IL1RAPL2: variants seen among roughly 807,000 people sequenced by gnomAD.
IL1RAPL2 encodes X-linked interleukin-1 receptor accessory protein-like 2.
IL1RAPL2 carries 3 observed loss-of-function variants against 44.1 expected under a neutral mutation model. The ratio of observed to expected loss-of-function variants is 0.07; its 90% confidence interval spans 0.03 to 0.18. The LOEUF is 0.18. Ranked by LOEUF, IL1RAPL2 falls within the 10% of genes least tolerant of loss-of-function variation. The pLI is 1.00. For synonymous variants in IL1RAPL2, 181 were observed against 178.8 expected (o/e 1.01, Z -0.10); for missense variants, 391 against 496.4 (o/e 0.79, Z 2.02).
chrX:104,590,283 G>A (rs753291390), intron 1 of IL1RAPL2, among the ~76,000 whole-genome samples: 28 of 111,754 alleles, frequency 2.5e-4, no homozygotes, highest in Non-Finnish European at 4.9e-4. Context: ...GACCTCAGGT[G>A]ATCCATGTGT....
At chrX:105,532,067 C>G (rs1361612534) in intron 6 of IL1RAPL2, among the ~76,000 whole-genome samples, 2 of 111,984 alleles carry the variant, frequency 1.8e-5, no homozygotes, top group Non-Finnish European at 3.8e-5. Flanking sequence ...GTTTCAGACT[C>G]ACTGTGTACT....
intron 2 of IL1RAPL2, among the ~76,000 whole-genome samples, chrX:104,784,359 A>AG (rs1932788394): frequency 9.0e-6 from 1 of 111,328 alleles, no homozygotes; most frequent in Admixed American, 9.6e-5. Flanking sequence ...TACAGTTTGC[A>AG]TTCTGAGGTA....
intron 6 of IL1RAPL2, among the ~76,000 whole-genome samples, chrX:105,520,657 C>T (rs1217614816): frequency 9.0e-6 from 1 of 110,976 alleles, no homozygotes; most frequent in Non-Finnish European, 1.9e-5. Flanking sequence ...AGTGAGTTAC[C>T]AAGTCATGCA....
chrX:104,574,016 G>A (rs1350519857), intron 1 of IL1RAPL2, among the ~76,000 whole-genome samples: 1 of 111,326 alleles, frequency 9.0e-6, no homozygotes, highest in Non-Finnish European at 1.9e-5. Context: ...GACACTCAAA[G>A]ATATTTTAGA....
intron 1 of IL1RAPL2, among the ~76,000 whole-genome samples, chrX:104,629,962 A>G (rs1433702889): frequency 9.0e-6 from 1 of 111,361 alleles, no homozygotes; most frequent in Admixed American, 9.6e-5. Context: ...AGGTAGTGTG[A>G]TGCCTCAAGC....
chrX:105,089,052 T>G (rs891358923), intron 2 of IL1RAPL2, among the ~76,000 whole-genome samples: 1 of 111,564 alleles, frequency 9.0e-6, no homozygotes, highest in Non-Finnish European at 1.9e-5. Flanking sequence ...GGTATAGAAT[T>G]ACATACCATT....
intron 5 of IL1RAPL2, among the ~76,000 whole-genome samples, chrX:105,365,548 A>AT (rs1412591269): frequency 1.8e-5 from 2 of 110,757 alleles, no homozygotes; most frequent in Non-Finnish European, 3.8e-5. Flanking sequence ...TTAATGGGAG[A>AT]TTTTTTATTA....
chrX:104,805,138 C>T (rs1393132436), intron 2 of IL1RAPL2, among the ~76,000 whole-genome samples: 2 of 111,630 alleles, frequency 1.8e-5, no homozygotes, highest in East Asian at 2.8e-4. Context: ...TCAGTGCAAT[C>T]GTCATCAGCC....
chrX:105,272,030 G>A (rs2034450229), intron 5 of IL1RAPL2, among the ~76,000 whole-genome samples: 1 of 105,319 alleles, frequency 9.5e-6, no homozygotes, highest in Admixed American at 1.1e-4. Context: ...ACTATCGCAA[G>A]AACAAAAAAC....
chrX:105,447,106 T>TATATAA lies in IL1RAPL2; in HGVS notation c.698-37206_698-37205insTATAAA, dbSNP rs1466812826. On this transcript the variant is annotated intron_variant, in intron 5 of 10. Coordinates refer to ENST00000372582, the MANE Select transcript of IL1RAPL2 (RefSeq NM_017416.2). ...ATATATATATATATATATATATATA[T>TATATAA]AAAAATATATATAAATATAAATATA... is the stretch of plus-strand genomic sequence containing the variant. Among the ~76,000 whole-genome samples, 38 of 33,207 alleles carry TATATAA rather than the reference T, an allele frequency of 1.1e-3. 1 individual carries two copies. The East Asian group carries it at 0.018, about 16-fold the overall frequency. 28.8% of individuals were successfully genotyped at this position (33,207 alleles called of 115,157 possible).
At chrX:105,277,783 A>G (rs2034497733) in intron 5 of IL1RAPL2, among the ~76,000 whole-genome samples, 2 of 110,496 alleles carry the variant, frequency 1.8e-5, no homozygotes, top group African/African-American at 6.6e-5. Flanking sequence ...TTCCTTCTAG[A>G]AACAAGGTCA....
intron 3 of IL1RAPL2, among the ~76,000 whole-genome samples, chrX:105,228,381 C>G (rs183920421): frequency 1.3e-4 from 15 of 111,781 alleles, no homozygotes; most frequent in African/African-American, 4.9e-4. Flanking sequence ...GGTGATACGA[C>G]AAGTTCACAT....
chrX:104,810,102 A>G (rs1163849558), intron 2 of IL1RAPL2, among the ~76,000 whole-genome samples: 1 of 110,280 alleles, frequency 9.1e-6, no homozygotes, highest in African/African-American at 3.3e-5. Flanking sequence ...TGATGAGTTC[A>G]TGTCCTTTGT....
chrX:105,048,347 C>A (rs2031870061), intron 2 of IL1RAPL2, among the ~76,000 whole-genome samples: 1 of 111,920 alleles, frequency 8.9e-6, no homozygotes, highest in Non-Finnish European at 1.9e-5. Context: ...AATCACTGGA[C>A]TGATTTGTTT....
chrX:105,278,750 C>T (rs761902826), intron 5 of IL1RAPL2, among the ~76,000 whole-genome samples: 18 of 112,093 alleles, frequency 1.6e-4, no homozygotes, highest in Non-Finnish European at 2.8e-4. Context: ...TATGATCACA[C>T]ACCATAGTAA....
chrX:105,411,348 T>G (rs1294521555), intron 5 of IL1RAPL2, among the ~76,000 whole-genome samples: 1 of 111,226 alleles, frequency 9.0e-6, no homozygotes, highest in Admixed American at 9.6e-5. Context: ...ATTAAATTCC[T>G]TAGTGAAAGA....
At chrX:104,830,340 T>C (rs1431954683) in intron 2 of IL1RAPL2, among the ~76,000 whole-genome samples, 1 of 111,550 alleles carries the variant, frequency 9.0e-6, no homozygotes, top group Non-Finnish European at 1.9e-5. Context: ...AGATCAGTGT[T>C]GAGGAAATAT....
At chrX:105,338,340 C>T (rs1462545176) in intron 5 of IL1RAPL2, among the ~76,000 whole-genome samples, 1 of 112,019 alleles carries the variant, frequency 8.9e-6, no homozygotes, top group African/African-American at 3.2e-5. Context: ...CAGGAAAGAC[C>T]ATGCCTTACT....
At chrX:104,967,361 T>A (rs2030144581) in intron 2 of IL1RAPL2, among the ~76,000 whole-genome samples, 1 of 110,081 alleles carries the variant, frequency 9.1e-6, no homozygotes, top group African/African-American at 3.3e-5. Context: ...TTGGAGCAAG[T>A]GAAAGATGAA....
Sources: gnomAD v4.1 joint callset for allele counts (sites outside exome capture counted in the v4.1 genomes callset) on GRCh38, gnomAD v4.1.1 for gene constraint, MANE v1.5 for transcripts, NCBI Gene and HGNC (gene_info 2026-07-23, HGNC 2026-07-21) for gene names.